The following PHLPP2 variants were observed in gnomAD, a reference collection of about 807,000 sequenced individuals.
PHLPP2 encodes the protein PH domain leucine-rich repeat-containing protein phosphatase 2.
PHLPP2 carries 66 observed loss-of-function variants against 124.9 expected under a neutral mutation model. The ratio of observed to expected loss-of-function variants is 0.53; its 90% confidence interval spans 0.43 to 0.65. PHLPP2 has a LOEUF of 0.65. Among genes scored for constraint, PHLPP2 ranks in the 30% least tolerant of loss-of-function variants. The pLI is 0.00. For synonymous variants in PHLPP2, 681 were observed against 624.7 expected (o/e 1.09, Z -1.34); for missense variants, 1,685 against 1,600.4 (o/e 1.05, Z -0.90).
intron 8 of PHLPP2, 120 bp from the exon 9 acceptor site, chr16:71,676,769 G>A (rs1445378812): frequency 2.8e-6 from 2 of 718,240 alleles, no homozygotes; most frequent in Non-Finnish European, 4.6e-6. Flanking sequence ...TTTTTTTTGA[G>A]ATGGAGTTTC....
chr16:71,711,718 C>A (rs1045318599), intron 2 of PHLPP2, among the ~76,000 whole-genome samples: 6 of 152,166 alleles, frequency 3.9e-5, no homozygotes, highest in Non-Finnish European at 7.4e-5. Context: ...TCCAAAATTT[C>A]TTCGGTGAAC....
intron 2 of PHLPP2, among the ~76,000 whole-genome samples, chr16:71,708,738 A>G (rs1403130035): frequency 6.6e-6 from 1 of 152,172 alleles, no homozygotes; most frequent in Non-Finnish European, 1.5e-5. Flanking sequence ...GTGAGCTGAG[A>G]TTGTGCCACT....
intron 2 of PHLPP2, 25 bp downstream of exon 2, chr16:71,714,487 T>A: frequency 2.6e-6 from 4 of 1,563,028 alleles, no homozygotes; most frequent in Non-Finnish European, 3.5e-6. Context: ...ACGGTAGAAT[T>A]AGAGTGGTAA....
intron 10 of PHLPP2, among the ~76,000 whole-genome samples, chr16:71,671,306 A>G (rs1184660952): frequency 6.6e-6 from 1 of 151,764 alleles, no homozygotes; most frequent in Non-Finnish European, 1.5e-5. Flanking sequence ...CACGTCAGGT[A>G]CTATCTTATG....
intron 1 of PHLPP2, among the ~76,000 whole-genome samples, chr16:71,718,045 C>G (rs2045374910): frequency 6.6e-6 from 1 of 152,110 alleles, no homozygotes; most frequent in Admixed American, 6.5e-5. Flanking sequence ...GCACATGCCA[C>G]CACACCCAGC....
intron 12 of PHLPP2, 114 bp from the exon 13 acceptor site, chr16:71,664,213 G>GAA: frequency 2.9e-5 from 17 of 589,504 alleles, no homozygotes; most frequent in Non-Finnish European, 3.8e-5. Flanking sequence ...TTCCAAATGG[G>GAA]AAAAAAAAAA....
At chr16:71,670,695 A>AACACACACAAACACACACACACACAC (rs2044884201) in intron 10 of PHLPP2, among the ~76,000 whole-genome samples, 1 of 128,940 alleles carries the variant, frequency 7.8e-6, no homozygotes, top group East Asian at 2.5e-4. Context: ...AGAGGCTGAA[A>AACACACACAAACACACACACACACAC]ACACACACAC....
chr16:71,676,359 G>A, intron 9 of PHLPP2, 88 bp downstream of exon 9: 4 of 983,354 alleles, frequency 4.1e-6, no homozygotes, highest in Non-Finnish European at 6.3e-6. Flanking sequence ...CTGCAGAGTG[G>A]CTGAGGAACA....
Position 71,646,732 on chromosome 16 carries a change from G to A in PHLPP2, c.*2158C>T, listed in dbSNP as rs1016534831. The A allele has an allele frequency of 1.3e-5, 2 of 151,752 alleles. No homozygotes were observed. Among genetic ancestry groups the A allele is most frequent in the Non-Finnish European group, 2.9e-5 (2 of 67,988 alleles). The allele number at this position is 151,752 out of a possible 1,614,324, so 9.4% of individuals were successfully genotyped here. The stretch of plus-strand genomic sequence containing the variant: ...AAAAAATTTCCCATATAAAAATAAG[G>A]TGGCAAAACACTCTTGTTCCCATCT... On this transcript the variant is annotated 3_prime_UTR_variant, in exon 19 of 19. Transcript: ENST00000568954.
At position 71,655,303 on chromosome 16, in the gene PHLPP2, T is replaced by C. The variant is rs772778829; in HGVS notation, c.2522A>G (p.Glu841Gly). The stretch of plus-strand genomic sequence containing the variant: ...GTCATTAGTTGACTGCTGTACCTCT[T>C]CTAAAAGCACATCTGCCATCGTACA... Reference protein sequence around the residue: ...LQCTMADVLLEEVQQSTNDTV... With the variant: ...LQCTMADVLLGEVQQSTNDTV... Residue 841 changes from glutamate (E) to glycine (G), a missense_variant, in exon 17 of 19, where the codon GAA becomes GGA. Physicochemically the swap from Glu to Gly is moderately conservative, Grantham distance 98. Coordinates refer to ENST00000568954, the MANE Select transcript of PHLPP2 (RefSeq NM_015020.3). 10 of 1,614,000 alleles carry C rather than the reference T, an allele frequency of 6.2e-6. No homozygotes were observed. Among genetic ancestry groups the C allele is most frequent in the Non-Finnish European group, 8.5e-6 (10 of 1,179,884 alleles).
chr16:71,695,161 A>C (rs1013886849), intron 3 of PHLPP2, among the ~76,000 whole-genome samples: 1 of 152,128 alleles, frequency 6.6e-6, no homozygotes, highest in African/African-American at 2.4e-5. Flanking sequence ...GCAAAGGGGT[A>C]CTCTGTTATA....
intron 3 of PHLPP2, among the ~76,000 whole-genome samples, chr16:71,701,306 ATC>A (rs2045231075): frequency 2.2e-5 from 2 of 89,758 alleles, no homozygotes; most frequent in South Asian, 5.4e-4. Flanking sequence ...CTATCTATCT[ATC>A]TATCTATATA....
intron 3 of PHLPP2, among the ~76,000 whole-genome samples, chr16:71,694,946 G>A (rs1183582086): frequency 1.3e-5 from 2 of 151,756 alleles, no homozygotes; most frequent in African/African-American, 2.4e-5. Context: ...CACCACGCCC[G>A]GCTAATATTT....
chr16:71,693,113 CCCAT>C (rs1385694283), intron 3 of PHLPP2, among the ~76,000 whole-genome samples: 3 of 152,030 alleles, frequency 2.0e-5, no homozygotes, highest in Non-Finnish European at 4.4e-5. Context: ...ACATGGAAAC[CCCAT>C]CTCTACTAAA....
chr16:71,698,597 A>G, intron 3 of PHLPP2: 1 of 620,870 alleles, frequency 1.6e-6, no homozygotes, highest in Non-Finnish European at 3.0e-6. Context: ...AGAGCAACCC[A>G]TACAAGAAAC....
intron 1 of PHLPP2, among the ~76,000 whole-genome samples, chr16:71,721,601 A>C (rs1046120964): frequency 2.6e-5 from 4 of 152,180 alleles, no homozygotes; most frequent in African/African-American, 9.7e-5. Context: ...TCTCTAAAAA[A>C]AAATCTTTTT....
chr16:71,658,500 C>G (rs1158264464), intron 14 of PHLPP2, 137 bp from the exon 15 acceptor site: 22 of 1,186,454 alleles, frequency 1.9e-5, no homozygotes, highest in Non-Finnish European at 2.3e-5. Flanking sequence ...AATTCTGGTC[C>G]CAAACTGGAG....
chr16:71,667,124 C>A lies in PHLPP2; in HGVS notation c.1784+54G>T, dbSNP rs572144882. 10 of 1,414,204 alleles carry A rather than the reference C, an allele frequency of 7.1e-6. No homozygotes were observed. In the East Asian group the frequency reaches 2.3e-4, roughly 32 times the overall value. 87.6% of individuals were successfully genotyped at this position (1,414,204 alleles called of 1,614,324 possible). A position where few individuals can be genotyped will look rare whatever the true frequency, so the allele number is the denominator to read the frequency against. On this transcript the variant is annotated intron_variant, in intron 12 of 18. Coordinates refer to ENST00000568954, the MANE Select transcript of PHLPP2 (RefSeq NM_015020.3). ...AGGTCACTCCAATGATAAGTCACTG[C>A]AGTCTGTTTAGCCAATGATTCTGCT...
At chr16:71,653,764 T>C (rs1222720486) in intron 17 of PHLPP2, among the ~76,000 whole-genome samples, 1 of 152,188 alleles carries the variant, frequency 6.6e-6, no homozygotes. Context: ...TCCTAAACCC[T>C]TTATTTTTGC....
Sources: gnomAD v4.1 joint callset for allele counts (sites outside exome capture counted in the v4.1 genomes callset) on GRCh38, gnomAD v4.1.1 for gene constraint, MANE v1.5 for transcripts, NCBI Gene and HGNC (gene_info 2026-07-23, HGNC 2026-07-21) for gene names.